Variants in UNC5C observed in about 807,000 individuals in gnomAD.
The protein encoded by UNC5C is netrin receptor UNC5C.
In UNC5C, 47 loss-of-function variants were observed where a neutral mutation model predicts 99.8. That is an observed-to-expected ratio of 0.47 (90% CI 0.37 to 0.60). The LOEUF is 0.60. Among genes scored for constraint, UNC5C ranks in the 20% least tolerant of loss-of-function variants. UNC5C has a pLI of 0.00. For synonymous variants in UNC5C, 487 were observed against 452.2 expected (o/e 1.08, Z -0.98); for missense variants, 1,062 against 1,165.9 (o/e 0.91, Z 1.30).
intron 1 of UNC5C, among the ~76,000 whole-genome samples, chr4:95,410,013 A>G (rs1745933096): frequency 6.6e-6 from 1 of 152,192 alleles, no homozygotes; most frequent in South Asian, 2.1e-4. Flanking sequence ...CTCTTATAGT[A>G]GATGATCACA....
chr4:95,309,063 A>G (rs1560779942), intron 2 of UNC5C, among the ~76,000 whole-genome samples: 2 of 152,182 alleles, frequency 1.3e-5, no homozygotes, highest in African/African-American at 4.8e-5. Flanking sequence ...AAAATAGCAT[A>G]ATGCTAGCAT....
rs193024052 is a variant in UNC5C at position 95,451,184 on chromosome 4, G to A, written c.124+97550C>T. On this transcript the variant is annotated intron_variant, in intron 1 of 15. Coordinates refer to ENST00000453304, the MANE Select transcript of UNC5C (RefSeq NM_003728.4). ...GTCTTGTTAATCTGATCTTGTCAGT[G>A]GCATCTGAATCACATTACACATCTA... 3.3e-5 allele frequency among the ~76,000 whole-genome samples: 5 copies of A among 152,254 alleles called. No homozygotes were observed. In the East Asian group the frequency reaches 9.7e-4, roughly 29 times the overall value.
At position 95,220,146 on chromosome 4, in the gene UNC5C, T is replaced by G; in HGVS notation, c.1139A>C (p.Tyr380Ser). The part of the protein sequence containing the change: ...TAPDSDDVAL[Y>S]VGIVIAVIVC... ...GATCACTGCTATCACAATCCCAACA[T>G]AGAGAGCAACATCATCTGAATCAGG... Residue 380 changes from tyrosine (Y) to serine (S), a missense_variant, in exon 8 of 16, where the codon TAT becomes TCT. Around this residue, in one of 3 missense-constraint regions of UNC5C, gnomAD observed 810 missense variants for 854.5 expected, o/e 0.95. Coordinates refer to ENST00000453304, the MANE Select transcript of UNC5C (RefSeq NM_003728.4). 3 of 1,613,822 alleles carry G rather than the reference T, an allele frequency of 1.9e-6. No homozygotes were observed. Among genetic ancestry groups the G allele is most frequent in the Non-Finnish European group, 2.5e-6 (3 of 1,179,872 alleles).
chr4:95,222,284 A>G (rs1173879527), intron 7 of UNC5C: 2 of 1,416,670 alleles, frequency 1.4e-6, no homozygotes, highest in Non-Finnish European at 1.9e-6. Flanking sequence ...AGAAAAAAAA[A>G]TGAAACAAAA....
intron 7 of UNC5C, among the ~76,000 whole-genome samples, chr4:95,236,017 A>T (rs142981215): frequency 0.039 from 5,955 of 152,282 alleles, 179 homozygotes; most frequent in Non-Finnish European, 0.064. Context: ...ATTGTGGAAG[A>T]CAGTGTGGCG....
At chr4:95,489,265 A>G (rs1338725413) in intron 1 of UNC5C, among the ~76,000 whole-genome samples, 3 of 151,666 alleles carry the variant, frequency 2.0e-5, no homozygotes, top group African/African-American at 7.3e-5. Flanking sequence ...TGAGGTTGGG[A>G]CACTGCAAAC....
At chr4:95,311,327 C>T (rs1402439899) in intron 2 of UNC5C, among the ~76,000 whole-genome samples, 1 of 152,078 alleles carries the variant, frequency 6.6e-6, no homozygotes, top group African/African-American at 2.4e-5. Context: ...CATGACAGCA[C>T]TTTGTTTAAT....
chr4:95,257,545 A>G (rs750662675), intron 4 of UNC5C, among the ~76,000 whole-genome samples: 3 of 152,120 alleles, frequency 2.0e-5, no homozygotes, highest in Non-Finnish European at 4.4e-5. Flanking sequence ...TGCAAGGGGC[A>G]CTCATCTTCC....
At chr4:95,216,362 G>A (rs1305760453) in intron 9 of UNC5C, 151 bp from the exon 10 acceptor site, 9 of 589,534 alleles carry the variant, frequency 1.5e-5, no homozygotes, top group Non-Finnish European at 2.7e-5. Flanking sequence ...CTTCCTCATT[G>A]GCCTCCTTAC....
intron 7 of UNC5C, among the ~76,000 whole-genome samples, chr4:95,229,283 C>G (rs1417987580): frequency 2.0e-5 from 3 of 152,106 alleles, no homozygotes; most frequent in Middle Eastern, 6.8e-3. Context: ...CCCTAGCCCC[C>G]CACCCCGACA....
At chr4:95,173,198 T>G (rs968898129) in intron 14 of UNC5C, among the ~76,000 whole-genome samples, 5 of 149,828 alleles carry the variant, frequency 3.3e-5, no homozygotes, top group Admixed American at 6.7e-5. Context: ...AGGGACAATT[T>G]GACTTCCTCT....
chr4:95,417,759 G>A (rs561367578), intron 1 of UNC5C, among the ~76,000 whole-genome samples: 2 of 152,152 alleles, frequency 1.3e-5, no homozygotes, highest in East Asian at 1.9e-4. Context: ...TTCTGACATC[G>A]TGCCAAGTCC....
chr4:95,275,227 G>A (rs558188503), intron 4 of UNC5C, among the ~76,000 whole-genome samples: 80 of 152,220 alleles, frequency 5.3e-4, no homozygotes, highest in African/African-American at 1.6e-3. Flanking sequence ...AGAGAATCTT[G>A]GTGACAGAAG....
rs1237443002 is a variant in UNC5C, at chr4:95,165,768, A to G, written c.*3466T>C. The G allele has an allele frequency of 1.3e-5, 2 of 152,234 alleles. No individual in the cohort carries two copies. The highest frequency in any genetic ancestry group is 1.5e-5 in the Non-Finnish European group (1 of 68,050). The allele number at this position is 152,234 out of a possible 1,614,324, so 9.4% of individuals were successfully genotyped here. A position where few individuals can be genotyped will look rare whatever the true frequency, so the allele number is the denominator to read the frequency against. ...CTTACATTTCCAAAGATAAATATTAAGGAACTAAAAGGAGATTTAAAGTAT... is the reference window on the plus strand; with the variant it reads ...CTTACATTTCCAAAGATAAATATTAGGGAACTAAAAGGAGATTTAAAGTAT... On this transcript the variant is annotated 3_prime_UTR_variant, in exon 16 of 16. Transcript: ENST00000453304.
intron 1 of UNC5C, among the ~76,000 whole-genome samples, chr4:95,459,290 G>A (rs758874670): frequency 1.3e-5 from 2 of 152,060 alleles, no homozygotes; most frequent in Non-Finnish European, 2.9e-5. Flanking sequence ...CATTGTGATT[G>A]TTACTCTTAA....
At chr4:95,514,249 GTATTTA>G (rs1249090503) in intron 1 of UNC5C, among the ~76,000 whole-genome samples, 1 of 152,114 alleles carries the variant, frequency 6.6e-6, no homozygotes, top group African/African-American at 2.4e-5. Context: ...AACAAAATTT[GTATTTA>G]TATTTAAATG....
intron 9 of UNC5C, among the ~76,000 whole-genome samples, chr4:95,218,307 C>A (rs1211914803): frequency 6.6e-6 from 1 of 152,168 alleles, no homozygotes; most frequent in East Asian, 1.9e-4. Context: ...CAGGCATTAA[C>A]CTTCATTCAC....
intron 1 of UNC5C, among the ~76,000 whole-genome samples, chr4:95,497,920 A>G (rs892751516): frequency 2.0e-5 from 3 of 152,006 alleles, no homozygotes; most frequent in Non-Finnish European, 4.4e-5. Flanking sequence ...ATAAGCTTTT[A>G]AATAGCTACA....
intron 1 of UNC5C, among the ~76,000 whole-genome samples, chr4:95,457,623 C>A (rs1747479636): frequency 6.6e-6 from 1 of 152,008 alleles, no homozygotes; most frequent in Non-Finnish European, 1.5e-5. Context: ...GTACCAGGGT[C>A]AAACTGAAGT....
Sources: gnomAD v4.1 joint callset for allele counts (sites outside exome capture counted in the v4.1 genomes callset) on GRCh38, gnomAD v4.1.1 for gene constraint, gnomAD v4.1.1 regional missense constraint, MANE v1.5 for transcripts, NCBI Gene and HGNC (gene_info 2026-07-23, HGNC 2026-07-21) for gene names.